The following DDX60 variants were observed in gnomAD, a reference collection of about 807,000 sequenced individuals.
DDX60 encodes the protein DExD/H-box helicase 60.
Under a neutral mutation model 212.8 loss-of-function variants are expected in DDX60, and 165 were observed. The observed-to-expected ratio is 0.78, with a 90% CI of 0.68 to 0.88. The LOEUF is 0.88. DDX60 is among the 40% of genes least tolerant of loss of function. The pLI is 0.00. For synonymous variants in DDX60, 703 were observed against 685.3 expected (o/e 1.03, Z -0.40); for missense variants, 1,905 against 2,003.9 (o/e 0.95, Z 0.94).
At chr4:168,325,244 T>C in the DDX60 span, among the ~76,000 whole-genome samples, 24 of 152,354 alleles carry the variant, frequency 1.6e-4, no homozygotes, top group East Asian at 3.7e-3. Flanking sequence ...TGTGATTGTT[T>C]CAAGAGCTTT....
chr4:168,319,623 T>C (rs1737551873), upstream of DDX60, among the ~76,000 whole-genome samples: 1 of 152,224 alleles, frequency 6.6e-6, no homozygotes, highest in South Asian at 2.1e-4. Flanking sequence ...AATTTTTGCC[T>C]GTTGATACTT....
At chr4:168,283,976 A>G (rs147524266) in intron 12 of DDX60, among the ~76,000 whole-genome samples, 1 of 152,282 alleles carries the variant, frequency 6.6e-6, no homozygotes, top group East Asian at 1.9e-4. Flanking sequence ...GATAGAAAAA[A>G]TCCTTACTCC....
chr4:168,237,656 G>T lies in DDX60; in HGVS notation c.4269+35C>A, dbSNP rs375342350. The T allele has an allele frequency of 1.1e-4, 169 of 1,534,008 alleles. No homozygotes were observed. In the African/African-American group the frequency reaches 2.2e-3, roughly 20 times the overall value. On this transcript the variant is annotated intron_variant, in intron 31 of 37. Transcript: ENST00000393743. ...GATAAGAAATCTAGATAGTAGTAAT[G>T]CTATTTCCCAAAACAAAAGTGCAGT...
rs143759386 is a variant in DDX60, at chr4:168,314,539, G to A, written c.-106-3174C>T. ...AGAAAAAGAAAGCATGCAAGTATTC[G>A]TACACATTTAAAACATAATTTTACA... On this transcript the variant is annotated intron_variant, in intron 1 of 37. Transcript: ENST00000393743. 2.9e-3 allele frequency among the ~76,000 whole-genome samples: 434 copies of A among 152,216 alleles called. 2 individuals are homozygous for A. The highest frequency in any genetic ancestry group is 7.6e-3 in the African/African-American group (317 of 41,532).
the DDX60 span, among the ~76,000 whole-genome samples, chr4:168,324,888 CTG>C: frequency 6.6e-6 from 1 of 152,208 alleles, no homozygotes; most frequent in Admixed American, 6.5e-5. Flanking sequence ...TCTGCAAAGA[CTG>C]TGTGCAACAG....
intron 9 of DDX60, among the ~76,000 whole-genome samples, chr4:168,287,847 A>T (rs981419811): frequency 6.6e-6 from 1 of 152,162 alleles, no homozygotes. Flanking sequence ...ATAGTAGTGA[A>T]ATAATTAAAT....
intron 6 of DDX60, among the ~76,000 whole-genome samples, chr4:168,294,830 T>C (rs898699810): frequency 1.3e-5 from 2 of 151,936 alleles, no homozygotes; most frequent in Non-Finnish European, 2.9e-5. Flanking sequence ...GGAGTTAAGA[T>C]CTAAAGTATA....
intron 16 of DDX60, 142 bp from the exon 17 acceptor site, chr4:168,274,225 C>G: frequency 1.0e-6 from 1 of 992,742 alleles, no homozygotes; most frequent in African/African-American, 1.6e-5. Context: ...GTCATTCTCT[C>G]AGAAGAGATC....
the DDX60 span, among the ~76,000 whole-genome samples, chr4:168,325,512 T>G: frequency 6.6e-6 from 1 of 152,206 alleles, no homozygotes; most frequent in East Asian, 1.9e-4. Flanking sequence ...AAAAAGTGAT[T>G]ATGTCAATAA....
intron 1 of DDX60, 66 bp from the exon 2 acceptor site, chr4:168,311,431 A>AT: frequency 3.3e-6 from 2 of 601,808 alleles, no homozygotes; most frequent in Non-Finnish European, 5.9e-6. Flanking sequence ...TACTATATGT[A>AT]AAGCAAAATA....
At chr4:168,267,781 G>A in intron 21 of DDX60, 60 bp downstream of exon 21, 3 of 1,538,334 alleles carry the variant, frequency 2.0e-6, no homozygotes, top group Non-Finnish European at 2.6e-6. Context: ...CAAGGCAATG[G>A]CAGATTTTTT....
At chr4:168,234,545 G>C (rs1222968917) in intron 33 of DDX60, among the ~76,000 whole-genome samples, 16 of 151,682 alleles carry the variant, frequency 1.1e-4, no homozygotes, top group Admixed American at 1.1e-3. Flanking sequence ...TAATTATCTA[G>C]TAAAAATATC....
chr4:168,272,705 G>A (rs952938519), intron 18 of DDX60, among the ~76,000 whole-genome samples: 12 of 152,208 alleles, frequency 7.9e-5, no homozygotes, highest in Admixed American at 7.2e-4. Flanking sequence ...TGGGGGAGCT[G>A]ATGGCTGGCA....
intron 33 of DDX60, among the ~76,000 whole-genome samples, chr4:168,226,665 A>C (rs1733266008): frequency 6.6e-6 from 1 of 152,064 alleles, no homozygotes; most frequent in Admixed American, 6.6e-5. Flanking sequence ...TTTGTGTTAC[A>C]AACAATACAA....
chr4:168,265,308 C>T (rs1734795961), intron 22 of DDX60, among the ~76,000 whole-genome samples: 1 of 152,066 alleles, frequency 6.6e-6, no homozygotes, highest in Non-Finnish European at 1.5e-5. Context: ...TCTTGCCACT[C>T]CATTTTTTCA....
intron 33 of DDX60, among the ~76,000 whole-genome samples, chr4:168,226,398 A>G (rs2149491873): frequency 6.6e-6 from 1 of 152,160 alleles, no homozygotes; most frequent in South Asian, 2.1e-4. Flanking sequence ...GTGCCCATAA[A>G]AAAAGACGCC....
intron 10 of DDX60, among the ~76,000 whole-genome samples, chr4:168,285,945 A>G (rs541346528): frequency 1.3e-4 from 17 of 127,824 alleles, no homozygotes; most frequent in Admixed American, 2.5e-4. Flanking sequence ...GGAAGGGAGG[A>G]AGGGAGGGAG....
chr4:168,219,389 A>G (rs1192226156), intron 37 of DDX60, among the ~76,000 whole-genome samples: 1 of 152,064 alleles, frequency 6.6e-6, no homozygotes, highest in Admixed American at 6.6e-5. Context: ...TGAATGTGTG[A>G]ATGATTGATT....
chr4:168,308,164 A>T lies in DDX60; in HGVS notation c.106T>A (p.Ser36Thr). The T allele has an allele frequency of 6.3e-7, 1 of 1,578,358 alleles. No individual in the cohort carries two copies. Among genetic ancestry groups the T allele is most frequent in the South Asian group, 1.2e-5 (1 of 85,832 alleles). The part of the protein sequence containing the change: ...YSSLFNDFVE[S>T]EFFLIDGDSL... Reference sequence around the variant, plus strand: ...TCCCCATCAATCAAAAAAAATTCAGATTCAACAAAATCATTGAATAAACTG... The same window carrying T: ...TCCCCATCAATCAAAAAAAATTCAGTTTCAACAAAATCATTGAATAAACTG... Residue 36 changes from serine to threonine, a missense_variant, in exon 4 of 38, where the codon TCT becomes ACT. Transcript: ENST00000393743.
Sources: allele counts gnomAD v4.1 joint callset (sites outside exome capture counted in the v4.1 genomes callset), GRCh38; gene constraint gnomAD v4.1.1; transcripts MANE v1.5; gene names NCBI Gene and HGNC (gene_info 2026-07-23, HGNC 2026-07-21).